TRERF1: variants seen among roughly 807,000 people sequenced by gnomAD.
The protein encoded by TRERF1 is transcriptional regulating factor 1.
Under a neutral mutation model 122.9 loss-of-function variants are expected in TRERF1, and 27 were observed. The observed-to-expected ratio is 0.22, with a 90% confidence interval of 0.16 to 0.30. The LOEUF is 0.30. TRERF1 is among the 10% of genes least tolerant of loss of function. The pLI, the probability that TRERF1 is intolerant of heterozygous loss-of-function variation, is 1.00. For synonymous variants in TRERF1, 636 were observed against 641.7 expected (o/e 0.99, Z 0.13); for missense variants, 1,248 against 1,560.3 (o/e 0.80, Z 3.37).
At chr6:42,392,040 C>T (rs2151257697) in intron 2 of TRERF1, among the ~76,000 whole-genome samples, 1 of 152,254 alleles carries the variant, frequency 6.6e-6, no homozygotes, top group South Asian at 2.1e-4. Flanking sequence ...TATCTCCTTC[C>T]CATGACTGAT....
chr6:42,319,302 GCCC>G (rs1379516470), intron 3 of TRERF1, among the ~76,000 whole-genome samples: 7 of 152,310 alleles, frequency 4.6e-5, no homozygotes, highest in Middle Eastern at 6.8e-3. Context: ...GCATGATACT[GCCC>G]CCATTAAAGA....
At chr6:42,302,058 CCT>C (rs1786302835) in intron 3 of TRERF1, among the ~76,000 whole-genome samples, 1 of 152,092 alleles carries the variant, frequency 6.6e-6, no homozygotes, top group Admixed American at 6.6e-5. Context: ...TTCCTGGAGC[CCT>C]GTCTGCCTCC....
At chr6:42,443,645 A>G (rs1786940897) in intron 2 of TRERF1, among the ~76,000 whole-genome samples, 1 of 152,146 alleles carries the variant, frequency 6.6e-6, no homozygotes. Context: ...CCAGATTCTG[A>G]ATATGGAATC....
chr6:42,340,988 C>T (rs928849223), intron 3 of TRERF1, among the ~76,000 whole-genome samples: 27 of 152,166 alleles, frequency 1.8e-4, no homozygotes, highest in Admixed American at 3.3e-4. Flanking sequence ...TCTAAGGGGC[C>T]AAGGGCCCAT....
At position 42,374,150 on chromosome 6, in the gene TRERF1, A is replaced by AAGAAGAAGAAG. The variant is rs1554193491; in HGVS notation, c.-453-11072_-453-11071insCTTCTTCTTCT. ...CTGTCTTTTTTTTAAAAAAAAAAAA[A>AAGAAGAAGAAG]AAGAAGAAGAAGAAGAAGAAGAAGA... On this transcript the variant is annotated intron_variant, in intron 2 of 17. Transcript: ENST00000372922. Among the ~76,000 whole-genome samples, 601 of 144,008 alleles carry AAGAAGAAGAAG rather than the reference A, an allele frequency of 4.2e-3. 4 individuals carry two copies. The highest frequency in any genetic ancestry group is 0.015 in the African/African-American group (572 of 38,652). The allele number at this position is 144,008 out of a possible 152,430, so 94.5% of individuals were successfully genotyped here.
intron 2 of TRERF1, among the ~76,000 whole-genome samples, chr6:42,383,332 G>A (rs904412887): frequency 1.3e-5 from 2 of 152,140 alleles, no homozygotes; most frequent in African/African-American, 4.8e-5. Flanking sequence ...CTGGGACACT[G>A]TGTATTTGAA....
chr6:42,232,198 A>G lies in TRERF1; in HGVS notation c.3278+483T>C, dbSNP rs990686292. 1.3e-5 allele frequency among the ~76,000 whole-genome samples: 2 copies of G among 152,254 alleles called. No individual in the cohort carries two copies. Among genetic ancestry groups the G allele is most frequent in the African/African-American group, 4.8e-5 (2 of 41,462 alleles). On this transcript the variant is annotated intron_variant, in intron 17 of 17. Transcript: ENST00000372922. This position sits in a 1 kb window ranked among gnomAD's most constrained non-coding sequence, Gnocchi z 4.5. The stretch of plus-strand genomic sequence containing the variant: ...GTAATTGAGGCTTTGTCTTAAAGTG[A>G]TAGCAAAGTGTGGTGATTGATTAGT...
chr6:42,346,848 C>T (rs1768386867), intron 3 of TRERF1, among the ~76,000 whole-genome samples: 1 of 152,088 alleles, frequency 6.6e-6, no homozygotes, highest in South Asian at 2.1e-4. Context: ...ACTGTCATTG[C>T]TCGTTAGCAC....
intron 3 of TRERF1, among the ~76,000 whole-genome samples, chr6:42,311,017 C>T (rs554290277): frequency 1.3e-5 from 2 of 152,170 alleles, no homozygotes; most frequent in Non-Finnish European, 2.9e-5. Flanking sequence ...ATATATCACT[C>T]ATTCAGTTGT....
At chr6:42,388,329 T>A (rs1011359833) in intron 2 of TRERF1, among the ~76,000 whole-genome samples, 2 of 151,796 alleles carry the variant, frequency 1.3e-5, no homozygotes, top group African/African-American at 2.4e-5. Flanking sequence ...TTTTTAATCA[T>A]CTATTACACA....
intron 2 of TRERF1, among the ~76,000 whole-genome samples, chr6:42,401,078 G>A (rs1028324044): frequency 5.9e-5 from 9 of 152,190 alleles, no homozygotes; most frequent in South Asian, 2.1e-4. Flanking sequence ...CAAAGCATCC[G>A]GGGCCAATCA....
chr6:42,358,367 C>T (rs1771005527), intron 3 of TRERF1, among the ~76,000 whole-genome samples: 1 of 152,180 alleles, frequency 6.6e-6, no homozygotes, highest in East Asian at 1.9e-4. Flanking sequence ...AATGGATTTT[C>T]CCCCAACTTT....
At chr6:42,257,826 G>C (rs912181997) in intron 10 of TRERF1, among the ~76,000 whole-genome samples, 3 of 152,248 alleles carry the variant, frequency 2.0e-5, no homozygotes, top group Non-Finnish European at 4.4e-5. Context: ...GCCTCTTAAA[G>C]AATGAGCCAC....
At chr6:42,403,197 C>G (rs1050989466) in intron 2 of TRERF1, among the ~76,000 whole-genome samples, 6 of 151,792 alleles carry the variant, frequency 4.0e-5, no homozygotes, top group Non-Finnish European at 8.8e-5. Context: ...GAAATAAGGC[C>G]CAAAAAAGCA....
Position 42,232,867 on chromosome 6 carries a change from T to C in TRERF1, c.3092A>G (p.Asn1031Ser). 1 of 1,608,182 alleles carries C rather than the reference T, an allele frequency of 6.2e-7. No individual in the cohort carries two copies. The highest frequency in any genetic ancestry group is 8.5e-7 in the Non-Finnish European group (1 of 1,176,954). ...GCCCCCGTGGATGCGGGCATGGCCA[T>C]TCAGTGCCTGTCGGGAGCTGAACAC... Residue 1031 changes from asparagine to serine, a missense_variant, in exon 17 of 18, where the codon AAT becomes AGT. By Grantham distance (46) the Asn-to-Ser change is conservative. This residue lies in a region of TRERF1 where 159 missense variants were observed against 221.7 expected (regional missense o/e 0.72). Transcript: ENST00000372922. This position sits in a 1 kb window ranked among gnomAD's most constrained non-coding sequence, Gnocchi z 4.5.
intron 16 of TRERF1, among the ~76,000 whole-genome samples, chr6:42,235,067 A>G (rs1771780901): frequency 6.6e-6 from 1 of 152,018 alleles, no homozygotes; most frequent in Non-Finnish European, 1.5e-5. Flanking sequence ...TGAATGCAAA[A>G]TGTATGTATC....
chr6:42,311,189 G>T (rs1475956125), intron 3 of TRERF1, among the ~76,000 whole-genome samples: 1 of 152,226 alleles, frequency 6.6e-6, no homozygotes, highest in African/African-American at 2.4e-5. Context: ...GCAGGCATGT[G>T]TGCAATGTCA....
intron 2 of TRERF1, among the ~76,000 whole-genome samples, chr6:42,421,492 G>C (rs1252380908): frequency 1.3e-5 from 2 of 151,932 alleles, no homozygotes; most frequent in African/African-American, 4.8e-5. Flanking sequence ...TGCTGGTCTT[G>C]GCTGGGCACA....
chr6:42,229,775 C>A (rs1331458213), intron 17 of TRERF1, among the ~76,000 whole-genome samples: 1 of 152,088 alleles, frequency 6.6e-6, no homozygotes, highest in East Asian at 1.9e-4. Context: ...GTTGAGAAAC[C>A]CGGGGATAAA....
Sources: allele counts gnomAD v4.1 joint callset (sites outside exome capture counted in the v4.1 genomes callset), GRCh38; gene constraint gnomAD v4.1.1; regional missense constraint gnomAD v4.1.1; non-coding constraint Gnocchi (gnomAD v3.1); transcripts MANE v1.5; gene names NCBI Gene and HGNC (gene_info 2026-07-23, HGNC 2026-07-21).